PLPP7: variants seen among roughly 807,000 people sequenced by gnomAD.
PLPP7 encodes inactive phospholipid phosphatase 7.
PLPP7 carries 11 observed loss-of-function variants against 16.9 expected under a neutral mutation model. That is an observed-to-expected ratio of 0.65 (90% CI 0.41 to 1.08). PLPP7 has a LOEUF of 1.08. Ranked by LOEUF, PLPP7 falls within the 50% of genes least tolerant of loss-of-function variation. The pLI, the probability that PLPP7 is intolerant of heterozygous loss-of-function variation, is 0.00. For synonymous variants in PLPP7, 174 were observed against 175.1 expected (o/e 0.99, Z 0.05); for missense variants, 358 against 397.1 (o/e 0.90, Z 0.84).
intron 1 of PLPP7, among the ~76,000 whole-genome samples, chr9:131,306,652 G>A (rs1835856552): frequency 6.6e-6 from 1 of 152,186 alleles, no homozygotes; most frequent in Non-Finnish European, 1.5e-5. Flanking sequence ...GAAACATTAT[G>A]CTAAGGAAAG....
In PLPP7 at chr9:131,307,989, A is replaced by G; in HGVS notation, c.518A>G (p.Glu173Gly). ...QKLIKRRGPY[E>G]TSPSLLDYLT... ...CTCATCAAGCGGCGCGGCCCGTACGAGACGAGCCCCAGCCTCCTGGACTAC... is the reference window on the plus strand; with the variant it reads ...CTCATCAAGCGGCGCGGCCCGTACGGGACGAGCCCCAGCCTCCTGGACTAC... Residue 173 changes from glutamate (E) to glycine (G), a missense_variant, in exon 2 of 2, where the codon GAG becomes GGG. Transcript: ENST00000372264. 6.2e-7 allele frequency: 1 copy of G among 1,600,418 alleles called. No homozygotes were observed. Among genetic ancestry groups the G allele is most frequent in the Non-Finnish European group, 8.5e-7 (1 of 1,179,686 alleles).
At chr9:131,304,969 C>G (rs1835838030) in intron 1 of PLPP7, among the ~76,000 whole-genome samples, 1 of 152,008 alleles carries the variant, frequency 6.6e-6, no homozygotes, top group Admixed American at 6.6e-5. Flanking sequence ...GTGGAACATT[C>G]CAGAAAGCAA....
Position 131,290,064 on chromosome 9 carries a change from C to T in PLPP7, c.67C>T (p.Leu23=). ...CAACGTCCTCAACCGGGCTGAGTTC[C>T]TGTCCCTGAACCAGCCCCCCAAGGG... is the stretch of plus-strand genomic sequence containing the variant. ...RNNVLNRAEF[L]SLNQPPKGGP... Residue 23 remains leucine, a synonymous_variant, in exon 1 of 2, where the codon CTG becomes TTG. Coordinates refer to ENST00000372264, the MANE Select transcript of PLPP7 (RefSeq NM_032728.4). This position sits in a 1 kb window ranked among gnomAD's most constrained non-coding sequence, Gnocchi z 4.2. 6.7e-7 allele frequency: 1 copy of T among 1,485,832 alleles called. No homozygotes were observed. Among genetic ancestry groups the T allele is most frequent in the Non-Finnish European group, 8.9e-7 (1 of 1,121,936 alleles). The allele number at this position is 1,485,832 out of a possible 1,614,324, so 92.0% of individuals were successfully genotyped here. A position where few individuals can be genotyped will look rare whatever the true frequency, so the allele number is the denominator to read the frequency against.
In PLPP7 at chr9:131,295,750, T is replaced by G. The variant is rs904760731; in HGVS notation, c.451+5302T>G. ...TAGGGACCTCAAGTAAGTGGAATCG[T>G]ACTGTATTTGTCTTTTGTGGCTGGC... is the stretch of plus-strand genomic sequence containing the variant. On this transcript the variant is annotated intron_variant, in intron 1 of 1. Coordinates refer to ENST00000372264, the MANE Select transcript of PLPP7 (RefSeq NM_032728.4). The surrounding 1 kb of genome is among the most constrained non-coding windows in gnomAD (Gnocchi z 4.0). Among the ~76,000 whole-genome samples the G allele has an allele frequency of 1.3e-5, 2 of 152,120 alleles. No individual in the cohort carries two copies. Among genetic ancestry groups the G allele is most frequent in the Admixed American group, 1.3e-4 (2 of 15,270 alleles).
chr9:131,290,086 A>T lies in PLPP7; in HGVS notation c.89A>T (p.Lys30Met), dbSNP rs777964926. The change falls in exon 1 of 2, where the codon AAG becomes ATG. Residue 30 changes from lysine to methionine, a missense_variant. By Grantham distance (95) the Lys-to-Met change is moderately conservative (BLOSUM62 -1). Coordinates refer to ENST00000372264, the MANE Select transcript of PLPP7 (RefSeq NM_032728.4). This position sits in a 1 kb window ranked among gnomAD's most constrained non-coding sequence, Gnocchi z 4.2. The stretch of plus-strand genomic sequence containing the variant: ...TTCCTGTCCCTGAACCAGCCCCCCA[A>T]GGGGGGCCCGGAGCCCCGCAGCTCG... ...AEFLSLNQPPKGGPEPRSSGR... is the reference protein window; with the variant it reads ...AEFLSLNQPPMGGPEPRSSGR... 2 of 1,510,428 alleles carry T rather than the reference A, an allele frequency of 1.3e-6. No homozygotes were observed. The highest frequency in any genetic ancestry group is 1.8e-6 in the Non-Finnish European group (2 of 1,130,450). 93.6% of individuals were successfully genotyped at this position (1,510,428 alleles called of 1,614,324 possible).
chr9:131,290,044 T>A lies in PLPP7; in HGVS notation c.47T>A (p.Val16Asp), dbSNP rs750033143. The part of the protein sequence containing the change: ...SRARARDRNN[V>D]LNRAEFLSLN... Reference sequence around the variant, plus strand: ...GCCCGTGCCCGGGACCGCAACAACGTCCTCAACCGGGCTGAGTTCCTGTCC... The same window carrying A: ...GCCCGTGCCCGGGACCGCAACAACGACCTCAACCGGGCTGAGTTCCTGTCC... Residue 16 changes from valine (V) to aspartate (D), a missense_variant, in exon 1 of 2, where the codon GTC (valine) becomes GAC (aspartate). Physicochemically the swap from Val to Asp is radical, Grantham distance 152. Transcript: ENST00000372264. This position sits in a 1 kb window ranked among gnomAD's most constrained non-coding sequence, Gnocchi z 4.2. The A allele has an allele frequency of 1.7e-5, 25 of 1,459,638 alleles. No homozygotes were observed. Among genetic ancestry groups the A allele is most frequent in the Middle Eastern group, 1.8e-4 (1 of 5,494 alleles). The allele number at this position is 1,459,638 out of a possible 1,614,324, so 90.4% of individuals were successfully genotyped here.
At chr9:131,304,339 T>C (rs1835830219) in intron 1 of PLPP7, among the ~76,000 whole-genome samples, 1 of 152,018 alleles carries the variant, frequency 6.6e-6, no homozygotes, top group Admixed American at 6.6e-5. Flanking sequence ...GTTTCCGAAA[T>C]GGGGAAAGAA....
In PLPP7 at chr9:131,293,659, A is replaced by C. The variant is rs115080779; in HGVS notation, c.451+3211A>C. On this transcript the variant is annotated intron_variant, in intron 1 of 1. Coordinates refer to ENST00000372264, the MANE Select transcript of PLPP7 (RefSeq NM_032728.4). ...CCTGGAGCACAGGCTCTGGGGAGAGACTGGCTATTGTCCAGGTCCCTGCTC... is the reference window on the plus strand; with the variant it reads ...CCTGGAGCACAGGCTCTGGGGAGAGCCTGGCTATTGTCCAGGTCCCTGCTC... Among the ~76,000 whole-genome samples the C allele has an allele frequency of 2.0e-3, 302 of 152,286 alleles. 1 individual carries two copies. Among genetic ancestry groups the C allele is most frequent in the African/African-American group, 6.9e-3 (288 of 41,560 alleles).
At chr9:131,293,578 T>C (rs1173587107) in intron 1 of PLPP7, among the ~76,000 whole-genome samples, 2 of 152,170 alleles carry the variant, frequency 1.3e-5, no homozygotes, top group African/African-American at 2.4e-5. Context: ...GACTGCCCAC[T>C]GAGCACACGC....
chr9:131,294,681 T>TTGTC (rs1055899466), intron 1 of PLPP7, among the ~76,000 whole-genome samples: 2 of 151,792 alleles, frequency 1.3e-5, no homozygotes, highest in African/African-American at 4.9e-5. Context: ...GTTTGTTTGT[T>TTGTC]TGTTTTTGAG....
chr9:131,291,231 A>G (rs888001243), intron 1 of PLPP7: 86 of 1,347,402 alleles, frequency 6.4e-5, no homozygotes, highest in Non-Finnish European at 7.9e-5. Context: ...CAGGTCCCCA[A>G]GGTGCCCCAG....
At chr9:131,300,394 T>C (rs1835783533) in intron 1 of PLPP7, among the ~76,000 whole-genome samples, 1 of 152,082 alleles carries the variant, frequency 6.6e-6, no homozygotes, top group East Asian at 1.9e-4. Flanking sequence ...CTGCTAGAGA[T>C]TTGAAAGGAG....
intron 1 of PLPP7, among the ~76,000 whole-genome samples, chr9:131,293,891 CCCGTGGCACT>C (rs2131213855): frequency 6.6e-6 from 1 of 152,264 alleles, no homozygotes; most frequent in East Asian, 1.9e-4. Context: ...CCGCTCTGGC[CCCGTGGCACT>C]CAGCTAACCC....
intron 1 of PLPP7, among the ~76,000 whole-genome samples, chr9:131,292,021 A>G (rs1352658941): frequency 6.6e-6 from 1 of 152,210 alleles, no homozygotes; most frequent in African/African-American, 2.4e-5. Context: ...AAATAAAGCA[A>G]CCTGGCCCAG....
intron 1 of PLPP7, among the ~76,000 whole-genome samples, chr9:131,304,482 G>GA (rs1423036186): frequency 6.6e-6 from 1 of 152,090 alleles, no homozygotes. Context: ...TAAAAATACA[G>GA]AAATTAGCCA....
chr9:131,305,941 CT>C (rs1835847125), intron 1 of PLPP7, among the ~76,000 whole-genome samples: 1 of 151,870 alleles, frequency 6.6e-6, no homozygotes, highest in African/African-American at 2.4e-5. Flanking sequence ...AGACATCCGT[CT>C]CTTAAAAAAA....
At chr9:131,297,448 C>T (rs942159893) in intron 1 of PLPP7, among the ~76,000 whole-genome samples, 10 of 150,696 alleles carry the variant, frequency 6.6e-5, no homozygotes, top group South Asian at 2.1e-4. Flanking sequence ...GGCAGTGGCG[C>T]GACCTCAGCT....
chr9:131,297,198 C>T (rs1406515996), intron 1 of PLPP7, among the ~76,000 whole-genome samples: 4 of 152,170 alleles, frequency 2.6e-5, no homozygotes, highest in African/African-American at 2.4e-5. Context: ...TGCCAGTAGG[C>T]AGGGTCTGGA....
intron 1 of PLPP7, chr9:131,292,662 C>A: frequency 3.7e-6 from 1 of 268,246 alleles, no homozygotes; most frequent in Non-Finnish European, 5.7e-6. Context: ...AAAGGAGGTG[C>A]ATCTCAACTT....
Sources: gnomAD v4.1 joint callset for allele counts (sites outside exome capture counted in the v4.1 genomes callset) on GRCh38, gnomAD v4.1.1 for gene constraint, Gnocchi (gnomAD v3.1) non-coding constraint, MANE v1.5 for transcripts, NCBI Gene and HGNC (gene_info 2026-07-23, HGNC 2026-07-21) for gene names.